The following SDR16C5 variants were observed in gnomAD, a reference collection of about 807,000 sequenced individuals.
SDR16C5 encodes the protein epidermal retinol dehydrogenase 2.
Under a neutral mutation model 27.7 loss-of-function variants are expected in SDR16C5, and 20 were observed. The ratio of observed to expected loss-of-function variants is 0.72; its 90% confidence interval spans 0.51 to 1.05. The LOEUF (loss-of-function observed/expected upper bound fraction) is 1.05, where lower values mean the gene tolerates loss of function less well. Among genes scored for constraint, SDR16C5 ranks in the 50% least tolerant of loss-of-function variants. SDR16C5 has a pLI of 0.00. For synonymous variants in SDR16C5, 139 were observed against 132.3 expected, an observed-to-expected ratio of 1.05 and a Z score of -0.35; for missense variants, 374 against 366.3, an observed-to-expected ratio of 1.02 and a Z score of -0.17.
At chr8:56,305,499 T>C in intron 6 of SDR16C5, 98 bp downstream of exon 6, 1 of 1,071,676 alleles carries the variant, frequency 9.3e-7, no homozygotes, top group Non-Finnish European at 1.3e-6. Context: ...TAATGAATTT[T>C]AATTTATCAG....
At chr8:56,302,588 A>G (rs13249494) in intron 6 of SDR16C5, among the ~76,000 whole-genome samples, 26,940 of 150,690 alleles carry the variant, frequency 0.18, 2,528 homozygotes, top group African/African-American at 0.24. Context: ...CAGGAGAATC[A>G]CTTGAACCCG....
chr8:56,313,894 C>T (rs1230339035), intron 2 of SDR16C5, among the ~76,000 whole-genome samples: 1 of 152,114 alleles, frequency 6.6e-6, no homozygotes, highest in Non-Finnish European at 1.5e-5. Context: ...GATTGCTCGT[C>T]TAAGGGCTAC....
intron 6 of SDR16C5, among the ~76,000 whole-genome samples, chr8:56,305,228 C>T (rs1307837472): frequency 6.6e-6 from 1 of 152,120 alleles, no homozygotes; most frequent in Non-Finnish European, 1.5e-5. Context: ...GGACCCTGTA[C>T]TTGAGGAGGC....
intron 5 of SDR16C5, 38 bp from the exon 6 acceptor site, chr8:56,305,760 A>G: frequency 3.9e-6 from 6 of 1,558,300 alleles, no homozygotes; most frequent in Non-Finnish European, 4.3e-6. Flanking sequence ...AAAAACCCTG[A>G]AGGCCAAATT....
At chr8:56,317,158 C>T (rs986565963) in intron 1 of SDR16C5, among the ~76,000 whole-genome samples, 4 of 152,102 alleles carry the variant, frequency 2.6e-5, no homozygotes, top group Non-Finnish European at 2.9e-5. Context: ...ATATTGGTCC[C>T]GTGGCATAGG....
chr8:56,317,491 T>C (rs1474334644), intron 1 of SDR16C5, among the ~76,000 whole-genome samples: 1 of 152,212 alleles, frequency 6.6e-6, no homozygotes, highest in Non-Finnish European at 1.5e-5. Flanking sequence ...GACAGCATAC[T>C]GTGCTGGGGG....
rs2129261953 is a variant in SDR16C5, at chr8:56,316,355, C to T, written c.-8G>A. 2 of 1,600,846 alleles carry T rather than the reference C, an allele frequency of 1.2e-6. No individual in the cohort carries two copies. Among genetic ancestry groups the T allele is most frequent in the Non-Finnish European group, 8.6e-7 (1 of 1,168,522 alleles). ...TTGCAGGTTGAAAGACATGTTCTGG[C>T]TGACACCTGTGAAGAAAGACAGATT... On this transcript the variant is annotated 5_prime_UTR_variant, in exon 2 of 7. Coordinates refer to ENST00000303749, the MANE Select transcript of SDR16C5 (RefSeq NM_138969.4).
intron 4 of SDR16C5, among the ~76,000 whole-genome samples, chr8:56,307,331 C>T (rs955928250): frequency 6.6e-6 from 1 of 152,050 alleles, no homozygotes; most frequent in African/African-American, 2.4e-5. Context: ...CTTCAACCTC[C>T]ACCTCTTAAA....
Position 56,312,267 on chromosome 8 carries a change from C to T in SDR16C5, c.355G>A (p.Val119Ile), listed in dbSNP as rs1815063323. The change falls in exon 3 of 7, where the codon GTT (valine) becomes ATT (isoleucine). Residue 119 changes from valine to isoleucine, a missense_variant. Val to Ile is a conservative substitution (Grantham distance 29). Transcript: ENST00000303749. ...CCGGCATTGTTGATTAGGATGGAAA[C>T]ATCGCCGACTTCTTTTTTAACCTGA... is the stretch of plus-strand genomic sequence containing the variant. ...ADQVKKEVGD[V>I]SILINNAGIV... 1.2e-6 allele frequency: 2 copies of T among 1,613,994 alleles called. No individual in the cohort carries two copies. The highest frequency in any genetic ancestry group is 1.7e-6 in the Non-Finnish European group (2 of 1,179,832).
intron 4 of SDR16C5, among the ~76,000 whole-genome samples, chr8:56,307,450 A>G (rs1016194537): frequency 3.9e-5 from 6 of 152,238 alleles, no homozygotes; most frequent in Admixed American, 2.0e-4. Flanking sequence ...ACATCTGACT[A>G]TTCAGTTGAC....
At chr8:56,319,362 C>T (rs1199304670) in intron 1 of SDR16C5, among the ~76,000 whole-genome samples, 1 of 152,162 alleles carries the variant, frequency 6.6e-6, no homozygotes, top group African/African-American at 2.4e-5. Flanking sequence ...TTCCACTGGT[C>T]CTGTTAAGCA....
intron 3 of SDR16C5, among the ~76,000 whole-genome samples, chr8:56,311,120 A>G (rs1308437427): frequency 6.6e-6 from 1 of 152,224 alleles, no homozygotes. Flanking sequence ...ATGACGAGCT[A>G]CGAGCAGGGC....
In SDR16C5 at chr8:56,307,110, G is replaced by A. The variant is rs1814906493; in HGVS notation, c.566-290C>T. Among the ~76,000 whole-genome samples, 5 of 152,204 alleles carry A rather than the reference G, an allele frequency of 3.3e-5. 1 individual carries two copies. The South Asian group carries it at 8.3e-4, about 25-fold the overall frequency. The stretch of plus-strand genomic sequence containing the variant: ...GACTTTACTTACAAGTAAATGCATT[G>A]TGAGCCCCTGTGCTAGTTCTTACAT... On this transcript the variant is annotated intron_variant, in intron 4 of 6. Transcript: ENST00000303749.
intron 3 of SDR16C5, 129 bp downstream of exon 3, chr8:56,312,028 C>T: frequency 1.4e-6 from 1 of 739,994 alleles, no homozygotes; most frequent in Non-Finnish European, 2.2e-6. Flanking sequence ...CTGTGTAGAA[C>T]AGGACAAGTC....
chr8:56,301,868 G>A (rs1180552086), intron 6 of SDR16C5, among the ~76,000 whole-genome samples: 4 of 152,194 alleles, frequency 2.6e-5, no homozygotes, highest in Non-Finnish European at 5.9e-5. Flanking sequence ...GTGAAGTCTT[G>A]TCCTGTAGGC....
At chr8:56,302,672 CAAAA>C (rs36094743) in intron 6 of SDR16C5, among the ~76,000 whole-genome samples, 1 of 109,248 alleles carries the variant, frequency 9.2e-6, no homozygotes, top group Non-Finnish European at 1.9e-5. Context: ...GAGTCCATCT[CAAAA>C]AAAAAAAAAA....
chr8:56,301,949 C>T (rs955282127), intron 6 of SDR16C5, among the ~76,000 whole-genome samples: 1 of 152,166 alleles, frequency 6.6e-6, no homozygotes, highest in Admixed American at 6.5e-5. Context: ...CTTAGGCAAT[C>T]GACTCAGCTC....
At chr8:56,309,769 G>T (rs117339914) in intron 3 of SDR16C5, among the ~76,000 whole-genome samples, 1 of 152,166 alleles carries the variant, frequency 6.6e-6, no homozygotes, top group Non-Finnish European at 1.5e-5. Context: ...AGAGAGAGGT[G>T]GGAAATCAAA....
At chr8:56,302,713 G>A (rs974785772) in intron 6 of SDR16C5, among the ~76,000 whole-genome samples, 7 of 151,954 alleles carry the variant, frequency 4.6e-5, no homozygotes, top group Admixed American at 1.3e-4. Context: ...AGATGTGGTG[G>A]CTCATGCTTG....
Sources: allele counts gnomAD v4.1 joint callset (sites outside exome capture counted in the v4.1 genomes callset), GRCh38; gene constraint gnomAD v4.1.1; transcripts MANE v1.5; gene names NCBI Gene and HGNC (gene_info 2026-07-23, HGNC 2026-07-21).